TRIO: variants seen among roughly 807,000 people sequenced by gnomAD.
TRIO encodes the protein trio Rho guanine nucleotide exchange factor.
A neutral mutation model predicts 351.9 loss-of-function variants in TRIO; 58 were observed. The ratio of observed to expected loss-of-function variants is 0.16; its 90% CI spans 0.13 to 0.21. TRIO has a LOEUF of 0.21. TRIO is among the 10% of genes least tolerant of loss of function. The probability of loss-of-function intolerance (pLI) is 1.00; values close to 1 mark genes in which losing one functional copy is unlikely to be tolerated. For missense variants in TRIO, 3,201 were observed against 4,027.8 expected (o/e 0.79, Z 5.56); for synonymous variants, 1,758 against 1,595.7 (o/e 1.10, Z -2.42).
chr5:14,321,871 C>T (rs1237508345), intron 9 of TRIO, among the ~76,000 whole-genome samples: 1 of 152,152 alleles, frequency 6.6e-6, no homozygotes, highest in Non-Finnish European at 1.5e-5. Context: ...GGGAGTTCCC[C>T]TACACAAGCT....
rs553771317 is a variant in TRIO at position 14,177,455 on chromosome 5, A to G, written c.157+33573A>G. Among the ~76,000 whole-genome samples, 4 of 152,240 alleles carry G rather than the reference A, an allele frequency of 2.6e-5. No individual in the cohort carries two copies. In the East Asian group the frequency reaches 7.7e-4, roughly 29 times the overall value. ...TGACTGCTCTGAAACGCACCATCCTAGGTTTGTACCATCCTTGCTGGAGCT... is the reference window on the plus strand; with the variant it reads ...TGACTGCTCTGAAACGCACCATCCTGGGTTTGTACCATCCTTGCTGGAGCT... On this transcript the variant is annotated intron_variant, in intron 1 of 56. Transcript: ENST00000344204.
chr5:14,507,168 C>G lies in TRIO; in HGVS notation c.8659C>G (p.Leu2887Val). 1 of 1,612,350 alleles carries G rather than the reference C, an allele frequency of 6.2e-7. No individual in the cohort carries two copies. The highest frequency in any genetic ancestry group is 1.1e-5 in the South Asian group (1 of 90,848). Residue 2887 changes from leucine to valine, a missense_variant, in exon 56 of 57, where the codon CTC becomes GTC. Leu to Val is a conservative substitution (Grantham distance 32, BLOSUM62 1). Coordinates refer to ENST00000344204, the MANE Select transcript of TRIO (RefSeq NM_007118.4). ...LLDCVVRWGSLTEGKIRAHLG... is the reference protein window; with the variant it reads ...LLDCVVRWGSVTEGKIRAHLG... ...GGACTGCGTGGTGCGATGGGGAAGC[C>G]TCACTGAAGGGAAGATCAGGGCGCA...
intron 1 of TRIO, among the ~76,000 whole-genome samples, chr5:14,236,975 C>A (rs928007785): frequency 6.6e-6 from 1 of 152,202 alleles, no homozygotes; most frequent in Non-Finnish European, 1.5e-5. Context: ...TCTCCTGTTA[C>A]ACTCTGTGAT....
At chr5:14,465,374 T>G (rs935935596) in intron 36 of TRIO, among the ~76,000 whole-genome samples, 171 bp from the exon 37 acceptor site, 2 of 152,238 alleles carry the variant, frequency 1.3e-5, no homozygotes, top group African/African-American at 4.8e-5. Flanking sequence ...TGTCAGAATA[T>G]TGTAAATTCA....
intron 11 of TRIO, among the ~76,000 whole-genome samples, chr5:14,338,414 T>C (rs1206401791): frequency 6.6e-6 from 1 of 152,172 alleles, no homozygotes; most frequent in Non-Finnish European, 1.5e-5. Flanking sequence ...CTGGCACCTT[T>C]GAGACAAGGA....
intron 1 of TRIO, among the ~76,000 whole-genome samples, chr5:14,179,912 C>T (rs559470908): frequency 1.3e-5 from 2 of 151,796 alleles, no homozygotes; most frequent in Admixed American, 6.6e-5. Context: ...GCCAACATGA[C>T]CAGTAGAAAC....
chr5:14,476,529 C>T (rs1010881561), intron 40 of TRIO, among the ~76,000 whole-genome samples: 4 of 152,198 alleles, frequency 2.6e-5, no homozygotes, highest in Admixed American at 1.3e-4. Context: ...CGGTGGCTCA[C>T]GCCTGTAATC....
chr5:14,438,839 T>A (rs542567070), intron 34 of TRIO, among the ~76,000 whole-genome samples: 1 of 152,384 alleles, frequency 6.6e-6, no homozygotes, highest in Admixed American at 6.5e-5. Flanking sequence ...AGGGCATGCC[T>A]TTAATTGAGA....
chr5:14,371,756 T>C (rs1745125115), intron 18 of TRIO, among the ~76,000 whole-genome samples: 1 of 151,642 alleles, frequency 6.6e-6, no homozygotes. Context: ...TCATCCCACC[T>C]CCGCCCCCCT....
At chr5:14,397,248 A>T in intron 29 of TRIO, 94 bp downstream of exon 29, 1 of 913,352 alleles carries the variant, frequency 1.1e-6, no homozygotes, top group Non-Finnish European at 1.7e-6. Flanking sequence ...TCCCCGCTTT[A>T]TGTCTCTATG....
intron 7 of TRIO, among the ~76,000 whole-genome samples, chr5:14,300,045 C>T (rs1409020025): frequency 6.6e-6 from 1 of 152,214 alleles, no homozygotes; most frequent in Admixed American, 6.5e-5. Context: ...TGTGTCATCT[C>T]CAGTGAAGGT....
intron 1 of TRIO, among the ~76,000 whole-genome samples, chr5:14,189,963 C>A (rs1263697012): frequency 6.6e-6 from 1 of 152,098 alleles, no homozygotes. Flanking sequence ...CTCAAGCACT[C>A]CTCCCACCTG....
chr5:14,164,621 A>C (rs555918840), intron 1 of TRIO, among the ~76,000 whole-genome samples: 3 of 150,906 alleles, frequency 2.0e-5, no homozygotes, highest in Admixed American at 2.0e-4. Flanking sequence ...TGGCCTCTCA[A>C]CGTACTGGAT....
intron 53 of TRIO, among the ~76,000 whole-genome samples, chr5:14,499,736 A>C (rs1161556967): frequency 6.6e-6 from 1 of 152,084 alleles, no homozygotes; most frequent in Non-Finnish European, 1.5e-5. Flanking sequence ...AATCACTGGC[A>C]AAAGCTAAAG....
chr5:14,235,344 T>C (rs1046456019), intron 1 of TRIO, among the ~76,000 whole-genome samples: 2 of 152,182 alleles, frequency 1.3e-5, no homozygotes, highest in African/African-American at 4.8e-5. Flanking sequence ...AAATTTAGGC[T>C]CTGGGTTGAG....
intron 1 of TRIO, among the ~76,000 whole-genome samples, chr5:14,217,393 A>C (rs1460889650): frequency 1.3e-5 from 2 of 152,116 alleles, no homozygotes; most frequent in Non-Finnish European, 2.9e-5. Flanking sequence ...TCCTGGCACT[A>C]GTCCCCAGGA....
intron 28 of TRIO, among the ~76,000 whole-genome samples, chr5:14,395,023 A>G (rs551566821): frequency 1.3e-5 from 2 of 152,352 alleles, no homozygotes; most frequent in Non-Finnish European, 2.9e-5. Context: ...GCCATGTTCC[A>G]GGGACTGCCC....
At position 14,461,112 on chromosome 5, in the gene TRIO, C is replaced by G. The variant is rs1753762422; in HGVS notation, c.5297C>G (p.Pro1766Arg). 2 of 1,559,586 alleles carry G rather than the reference C, an allele frequency of 1.3e-6. No homozygotes were observed. Among genetic ancestry groups the G allele is most frequent in the Admixed American group, 1.9e-5 (1 of 52,542 alleles). ...ATCGGGGCCCAGAGCTCGCCGGGCC[C>G]CAAGCGGCCGGGCAACACCCTGCGC... is the stretch of plus-strand genomic sequence containing the variant. The part of the protein sequence containing the change: ...HMIGAQSSPG[P>R]KRPGNTLRKW... Residue 1766 changes from proline to arginine, a missense_variant, in exon 35 of 57, where the codon CCC (proline) becomes CGC (arginine). Transcript: ENST00000344204.
intron 1 of TRIO, among the ~76,000 whole-genome samples, chr5:14,247,732 CT>C (rs1794516449): frequency 6.6e-6 from 1 of 152,070 alleles, no homozygotes; most frequent in South Asian, 2.1e-4. Flanking sequence ...AATACATGGG[CT>C]TAGATATATA....
Sources: allele counts gnomAD v4.1 joint callset (sites outside exome capture counted in the v4.1 genomes callset), GRCh38; gene constraint gnomAD v4.1.1; transcripts MANE v1.5; gene names NCBI Gene and HGNC (gene_info 2026-07-23, HGNC 2026-07-21).